RELL1: variants seen among roughly 807,000 people sequenced by gnomAD.
RELL1 encodes the protein RELT-like protein 1.
In RELL1, 10 loss-of-function variants were observed where a neutral mutation model predicts 23.0. The ratio of observed to expected loss-of-function variants is 0.43; its 90% CI spans 0.27 to 0.74. RELL1 has a LOEUF of 0.74. Among genes scored for constraint, RELL1 ranks in the 30% least tolerant of loss-of-function variants. The probability of loss-of-function intolerance (pLI) is 0.19; values close to 1 mark genes in which losing one functional copy is unlikely to be tolerated. For missense variants in RELL1, 315 were observed against 364.4 expected (o/e 0.86, Z 1.10); for synonymous variants, 146 against 146.8 (o/e 0.99, Z 0.04).
chr4:37,638,639 G>A, intron 3 of RELL1, 135 bp from the exon 4 acceptor site: 1 of 662,348 alleles, frequency 1.5e-6, no homozygotes, highest in Non-Finnish European at 2.5e-6. Context: ...CTAGAGAAAG[G>A]AGGGTCTCCC....
Position 37,613,305 on chromosome 4 carries a change from G to A in RELL1, c.*41C>T, listed in dbSNP as rs1719470557. On this transcript the variant is annotated 3_prime_UTR_variant, in exon 7 of 7. Coordinates refer to ENST00000454158, the MANE Select transcript of RELL1 (RefSeq NM_001085400.2). The stretch of plus-strand genomic sequence containing the variant: ...ATATTCCCAAGGCAACTTCATATAA[G>A]TTTTCAGTCTCTTAGAGCTCTTCAA... 6.6e-6 allele frequency: 1 copy of A among 152,114 alleles called. No homozygotes were observed. 9.4% of individuals were successfully genotyped at this position (152,114 alleles called of 1,614,324 possible).
intron 1 of RELL1, among the ~76,000 whole-genome samples, chr4:37,666,544 C>G (rs762413891): frequency 1.3e-5 from 2 of 152,224 alleles, no homozygotes; most frequent in Non-Finnish European, 2.9e-5. Flanking sequence ...TTATTATTAT[C>G]TGTGGTAATA....
At chr4:37,597,619 AG>A (rs1258075884) in intron 6 of RELL1, among the ~76,000 whole-genome samples, 1 of 152,228 alleles carries the variant, frequency 6.6e-6, no homozygotes, top group Non-Finnish European at 1.5e-5. Flanking sequence ...TCTCTGTCTT[AG>A]ATGTTGATGC....
At chr4:37,676,222 T>C (rs548410477) in intron 1 of RELL1, among the ~76,000 whole-genome samples, 5 of 152,300 alleles carry the variant, frequency 3.3e-5, no homozygotes, top group African/African-American at 1.2e-4. Context: ...TTTAATTGCC[T>C]TCCTGATAAC....
rs190529693 is a variant in RELL1 at position 37,601,906 on chromosome 4, C to T, written c.*4-10689G>A. Among the ~76,000 whole-genome samples, 158 of 152,200 alleles carry T rather than the reference C, an allele frequency of 1.0e-3. 7 individuals are homozygous for T. The highest frequency in any genetic ancestry group is 0.01 in the Admixed American group (156 of 15,288). ...AAGGGCAACTAGGCCTTGGGGACAA[C>T]TGAATCTGGGGCTTGAAAGCAACCA... On this transcript the variant is annotated intron_variant, in intron 6 of 6. Coordinates refer to the RELL1 transcript ENST00000314117.
downstream of RELL1, among the ~76,000 whole-genome samples, chr4:37,606,080 AAG>A (rs1719210663): frequency 6.7e-6 from 1 of 149,032 alleles, no homozygotes; most frequent in Non-Finnish European, 1.5e-5. This position sits in a 1 kb window ranked among gnomAD's most constrained non-coding sequence, Gnocchi z 4.1. Context: ...AGATGCAAGA[AAG>A]GGGAAGGATG....
chr4:37,685,405 T>G (rs977063003), intron 1 of RELL1, among the ~76,000 whole-genome samples: 11 of 151,990 alleles, frequency 7.2e-5, no homozygotes, highest in African/African-American at 2.7e-4. Context: ...GAATCCCTAG[T>G]GTCTGTAATT....
intron 3 of RELL1, among the ~76,000 whole-genome samples, chr4:37,642,467 T>C (rs1476697643): frequency 2.6e-5 from 4 of 152,208 alleles, no homozygotes; most frequent in Non-Finnish European, 5.9e-5. Flanking sequence ...AATTAAAAGC[T>C]AGCACTGCCG....
In RELL1 at chr4:37,631,526, G is replaced by A. The variant is rs189455696; in HGVS notation, c.681-3C>T. The stretch of plus-strand genomic sequence containing the variant: ...GCTCCACTTTTGTAACTCTAAATCT[G>A]AGGGGGGAATGGGGAGAGGTGATGG... On this transcript the variant is annotated splice_region_variant and splice_polypyrimidine_tract_variant and intron_variant, in intron 5 of 6. Coordinates refer to ENST00000454158, the MANE Select transcript of RELL1 (RefSeq NM_001085400.2). 6.2e-7 allele frequency: 1 copy of A among 1,613,496 alleles called. No homozygotes were observed. Among genetic ancestry groups the A allele is most frequent in the Admixed American group, 1.7e-5 (1 of 59,878 alleles).
chr4:37,617,483 TA>T (rs1719613724), intron 6 of RELL1, among the ~76,000 whole-genome samples: 1 of 152,074 alleles, frequency 6.6e-6, no homozygotes, highest in African/African-American at 2.4e-5. Context: ...AAATATTAAT[TA>T]AAAACTTCAG....
At chr4:37,665,803 C>A (rs1721511643) in intron 1 of RELL1, among the ~76,000 whole-genome samples, 1 of 152,194 alleles carries the variant, frequency 6.6e-6, no homozygotes. Flanking sequence ...GTGCAGGAAA[C>A]CAGTCCTTGG....
chr4:37,655,717 G>A (rs1040362280), intron 1 of RELL1, among the ~76,000 whole-genome samples: 5 of 152,214 alleles, frequency 3.3e-5, no homozygotes, highest in Admixed American at 2.0e-4. Context: ...TTTTGAACAC[G>A]CAGAAATAGA....
At chr4:37,660,408 A>G (rs527835236) in intron 1 of RELL1, among the ~76,000 whole-genome samples, 1 of 152,296 alleles carries the variant, frequency 6.6e-6, no homozygotes, top group South Asian at 2.1e-4. Context: ...ACACAAGCCC[A>G]TCTTCCATGT....
intron 1 of RELL1, among the ~76,000 whole-genome samples, chr4:37,659,981 A>G (rs1157324190): frequency 6.6e-6 from 1 of 152,178 alleles, no homozygotes; most frequent in African/African-American, 2.4e-5. Context: ...AACTGAACCA[A>G]CAAACTCTTG....
chr4:37,636,824 G>A (rs1239653218), intron 4 of RELL1, among the ~76,000 whole-genome samples: 2 of 152,020 alleles, frequency 1.3e-5, no homozygotes, highest in Non-Finnish European at 2.9e-5. Flanking sequence ...GGCTGTGATG[G>A]CAGAAACCAG....
intron 6 of RELL1, among the ~76,000 whole-genome samples, chr4:37,598,885 G>A (rs77298125): frequency 0.036 from 5,474 of 152,036 alleles, 259 homozygotes; most frequent in East Asian, 0.26. Flanking sequence ...AGGTTTCACC[G>A]TGTTGCCCAG....
chr4:37,635,684 A>G (rs576629714), intron 4 of RELL1, among the ~76,000 whole-genome samples: 25 of 152,262 alleles, frequency 1.6e-4, no homozygotes, highest in African/African-American at 5.5e-4. Context: ...CTGGGAATAA[A>G]CCACTGCTTC....
At chr4:37,667,208 A>G (rs1256660233) in intron 1 of RELL1, among the ~76,000 whole-genome samples, 1 of 152,160 alleles carries the variant, frequency 6.6e-6, no homozygotes, top group African/African-American at 2.4e-5. Context: ...AGTAGCAACC[A>G]GTGAGACACA....
chr4:37,603,587 A>G (rs1265667790), intron 6 of RELL1, among the ~76,000 whole-genome samples: 1 of 152,186 alleles, frequency 6.6e-6, no homozygotes, highest in East Asian at 1.9e-4. Flanking sequence ...CCTCAGTGAG[A>G]CAGAAGGAAG....
Sources: allele counts gnomAD v4.1 joint callset (sites outside exome capture counted in the v4.1 genomes callset), GRCh38; gene constraint gnomAD v4.1.1; non-coding constraint Gnocchi (gnomAD v3.1); transcripts MANE v1.5; gene names NCBI Gene and HGNC (gene_info 2026-07-23, HGNC 2026-07-21).